CATSPERE: variants seen among roughly 807,000 people sequenced by gnomAD.
CATSPERE encodes the protein catsper channel auxiliary subunit epsilon, also known as cation channel sperm-associated auxiliary subunit epsilon.
In CATSPERE, 93 loss-of-function variants were observed where a neutral mutation model predicts 114.1. The observed-to-expected ratio is 0.81, with a 90% CI of 0.69 to 0.97. The LOEUF is 0.97. Among genes scored for constraint, CATSPERE ranks in the 50% least tolerant of loss-of-function variants. The pLI, the probability that CATSPERE is intolerant of heterozygous loss-of-function variation, is 0.00. For synonymous variants in CATSPERE, 341 were observed against 384.1 expected, an observed-to-expected ratio of 0.89 and a Z score of 1.31; for missense variants, 1,058 against 1,131.6, an observed-to-expected ratio of 0.93 and a Z score of 0.93.
chr1:244,505,469 A>G (rs1290949114), intron 7 of CATSPERE, among the ~76,000 whole-genome samples: 2 of 152,172 alleles, frequency 1.3e-5, no homozygotes, highest in African/African-American at 4.8e-5. Context: ...ATTTTTCCAT[A>G]TTTAACTATC....
chr1:244,629,503 C>CTTTTT (rs369560104), intron 20 of CATSPERE, among the ~76,000 whole-genome samples: 192 of 82,126 alleles, frequency 2.3e-3, no homozygotes, highest in Non-Finnish European at 2.8e-3. Flanking sequence ...TCTCTCTTAC[C>CTTTTT]TTTTTTTTTT....
chr1:244,492,396 C>T (rs562192966), intron 6 of CATSPERE, among the ~76,000 whole-genome samples: 21 of 150,448 alleles, frequency 1.4e-4, no homozygotes, highest in East Asian at 3.9e-4. Context: ...ATTCAACAAC[C>T]CTTCATGCTA....
chr1:244,621,321 T>TAA (rs1558611587), intron 20 of CATSPERE, among the ~76,000 whole-genome samples: 2,337 of 18,984 alleles, frequency 0.12, 981 homozygotes, highest in Middle Eastern at 0.38. Flanking sequence ...ATAAAATATA[T>TAA]ATATATATAT....
chr1:244,552,442 G>T lies in CATSPERE; in HGVS notation c.657G>T (p.Leu219Phe), dbSNP rs191606833. 160 of 1,613,998 alleles carry T rather than the reference G, an allele frequency of 9.9e-5. No homozygotes were observed. Among genetic ancestry groups the T allele is most frequent in the Non-Finnish European group, 1.3e-4 (156 of 1,180,022 alleles). The change falls in exon 9 of 22, where the codon TTG becomes TTT. Residue 219 changes from leucine (L) to phenylalanine (F), a missense_variant. Leu to Phe is a conservative substitution (Grantham distance 22). Transcript: ENST00000366534. ...TTCTTATTCTGTTGACTTTTCCTTT[G>T]TTGACCATACCTGAAATTCCTGGTT... ...ADFLILLTFP[L>F]LTIPEIPGYL...
intron 8 of CATSPERE, among the ~76,000 whole-genome samples, chr1:244,519,863 CTG>C (rs1677233767): frequency 1.3e-5 from 2 of 152,172 alleles, no homozygotes. Flanking sequence ...GAGTTTTGAA[CTG>C]TGTGATAGTA....
rs899435702 is a variant in CATSPERE at position 244,552,636 on chromosome 1, G to A, written c.851G>A (p.Arg284Lys). The change falls in exon 9 of 22, where the codon AGA becomes AAA. Residue 284 changes from arginine (R) to lysine (K), a missense_variant. By Grantham distance (26) the Arg-to-Lys change is conservative. Coordinates refer to ENST00000366534, the MANE Select transcript of CATSPERE (RefSeq NM_001130957.2). ...VPPDILSDDE[R>K]RSVAHVILSR... ...CCAGACATTCTGAGTGATGATGAAA[G>A]ACGGAGTGTGGCTCATGTGATCTTA... The A allele has an allele frequency of 6.2e-7, 1 of 1,614,040 alleles. No individual in the cohort carries two copies. The highest frequency in any genetic ancestry group is 1.3e-5 in the African/African-American group (1 of 74,916).
intron 11 of CATSPERE, among the ~76,000 whole-genome samples, chr1:244,577,110 ACT>A (rs1665384810): frequency 6.6e-6 from 1 of 151,696 alleles, no homozygotes; most frequent in Non-Finnish European, 1.5e-5. Flanking sequence ...AGCAACTGAA[ACT>A]CTAGAATTTT....
At chr1:244,463,168 GTTTAA>G (rs1667077712) in intron 1 of CATSPERE, among the ~76,000 whole-genome samples, 1 of 152,048 alleles carries the variant, frequency 6.6e-6, no homozygotes, top group Non-Finnish European at 1.5e-5. Flanking sequence ...TTAATTTTAA[GTTTAA>G]TTTGTTTAGT....
At chr1:244,615,518 T>C (rs1368465046) in intron 19 of CATSPERE, among the ~76,000 whole-genome samples, 1 of 151,466 alleles carries the variant, frequency 6.6e-6, no homozygotes, top group Non-Finnish European at 1.5e-5. Flanking sequence ...GGCGATATGA[T>C]AGAGCCTATT....
chr1:244,600,446 T>C (rs780616440), intron 17 of CATSPERE, among the ~76,000 whole-genome samples: 3 of 152,096 alleles, frequency 2.0e-5, no homozygotes, highest in Non-Finnish European at 4.4e-5. Context: ...TACATGAATT[T>C]GTAGGCAAAA....
chr1:244,635,401 G>C, intron 20 of CATSPERE, 88 bp from the exon 21 acceptor site: 2 of 915,074 alleles, frequency 2.2e-6, no homozygotes, highest in South Asian at 1.5e-5. Context: ...GATTATATAT[G>C]GTTTGATTGT....
At chr1:244,566,862 T>C (rs1420789326) in intron 10 of CATSPERE, among the ~76,000 whole-genome samples, 1 of 151,836 alleles carries the variant, frequency 6.6e-6, no homozygotes, top group Non-Finnish European at 1.5e-5. Context: ...GGTTAATATG[T>C]TTTGTGTGAA....
intron 11 of CATSPERE, among the ~76,000 whole-genome samples, chr1:244,578,403 G>A (rs1033758333): frequency 5.9e-5 from 9 of 152,002 alleles, no homozygotes; most frequent in South Asian, 4.2e-4. Flanking sequence ...CACCTGCCTC[G>A]GCCTGCCAAA....
intron 11 of CATSPERE, among the ~76,000 whole-genome samples, chr1:244,578,099 C>T (rs963228824): frequency 7.2e-5 from 11 of 152,174 alleles, no homozygotes; most frequent in Admixed American, 2.0e-4. Flanking sequence ...GGGATTGGGG[C>T]ACCAACCCCT....
intron 20 of CATSPERE, among the ~76,000 whole-genome samples, chr1:244,630,073 T>C (rs1190725764): frequency 6.6e-6 from 1 of 152,202 alleles, no homozygotes; most frequent in Non-Finnish European, 1.5e-5. Flanking sequence ...GACAGCAGGA[T>C]CATAGAGTGG....
intron 4 of CATSPERE, among the ~76,000 whole-genome samples, 193 bp downstream of exon 4, chr1:244,478,168 C>A (rs1476857649): frequency 3.9e-5 from 6 of 152,016 alleles, no homozygotes; most frequent in African/African-American, 1.4e-4. Context: ...ATGTTAAATT[C>A]TAAATTATAA....
intron 2 of CATSPERE, 32 bp from the exon 3 acceptor site, chr1:244,477,509 T>C: frequency 7.8e-7 from 1 of 1,278,036 alleles, no homozygotes; most frequent in East Asian, 2.3e-5. Context: ...TTGAATGATA[T>C]TTTTTGTTCG....
chr1:244,452,048 C>G, upstream of CATSPERE: 1 of 380,904 alleles, frequency 2.6e-6, no homozygotes, highest in Non-Finnish European at 4.6e-6. Context: ...GGCAGCACCG[C>G]CCGCAGGAAG....
At chr1:244,590,553 CA>C (rs1667594016) in intron 14 of CATSPERE, among the ~76,000 whole-genome samples, 1 of 152,184 alleles carries the variant, frequency 6.6e-6, no homozygotes, top group Non-Finnish European at 1.5e-5. Context: ...TTTGTCACCC[CA>C]AAAGGAAACT....
Sources: allele counts gnomAD v4.1 joint callset (sites outside exome capture counted in the v4.1 genomes callset), GRCh38; gene constraint gnomAD v4.1.1; transcripts MANE v1.5; gene names NCBI Gene and HGNC (gene_info 2026-07-23, HGNC 2026-07-21).